CSMD1: variants seen among roughly 807,000 people sequenced by gnomAD.
The protein encoded by CSMD1 is CUB and sushi domain-containing protein 1.
Under a neutral mutation model 417.5 loss-of-function variants are expected in CSMD1, and 213 were observed. That is an observed-to-expected ratio of 0.51 (90% confidence interval 0.46 to 0.57). The LOEUF (loss-of-function observed/expected upper bound fraction) is 0.57. Ranked by LOEUF, CSMD1 falls within the 20% of genes least tolerant of loss-of-function variation. The pLI, the probability that CSMD1 is intolerant of heterozygous loss-of-function variation, is 0.00. For missense variants in CSMD1, 6,923 were observed against 4,529.7 expected (o/e 1.53, Z -15.17); for synonymous variants, 2,862 against 1,736.8 (o/e 1.65, Z -16.11).
At chr8:3,936,641 T>A (rs1274879402) in intron 5 of CSMD1, among the ~76,000 whole-genome samples, 1 of 152,130 alleles carries the variant, frequency 6.6e-6, no homozygotes, top group East Asian at 1.9e-4. Flanking sequence ...AGAAAAAGAT[T>A]CCTTTCTAAA....
intron 1 of CSMD1, among the ~76,000 whole-genome samples, chr8:4,914,366 G>A (rs1271765880): frequency 6.6e-6 from 1 of 152,078 alleles, no homozygotes; most frequent in Non-Finnish European, 1.5e-5. Context: ...CACGAGGTCA[G>A]GAGATCGAGA....
chr8:4,012,650 A>G (rs1349806501), intron 4 of CSMD1, among the ~76,000 whole-genome samples: 4 of 152,136 alleles, frequency 2.6e-5, no homozygotes, highest in African/African-American at 4.8e-5. Flanking sequence ...CATCAGTTCC[A>G]TGAATGTCTC....
intron 3 of CSMD1, among the ~76,000 whole-genome samples, chr8:4,089,499 C>G (rs1800602321): frequency 6.6e-6 from 1 of 152,146 alleles, no homozygotes; most frequent in Non-Finnish European, 1.5e-5. Flanking sequence ...AAAAAAGTGA[C>G]ACATTCCATA....
rs758127644 is a variant in CSMD1 at position 3,214,575 on chromosome 8, G to C, written c.4789C>G (p.Leu1597Val). 1.9e-6 allele frequency: 3 copies of C among 1,583,298 alleles called. No homozygotes were observed. In the South Asian group the frequency reaches 3.5e-5, roughly 18 times the overall value. ...TYQCDSGYKI[L>V]DPSSITCVIG... ...ACACAGGTGATGGATGAGGGGTCAA[G>C]AATCTTATAGCCAGAGTCACACTGG... The change falls in exon 30 of 70, where the codon CTT becomes GTT. Residue 1597 changes from leucine to valine, a missense_variant. By Grantham distance (32) the Leu-to-Val change is conservative. Coordinates refer to ENST00000635120, the MANE Select transcript of CSMD1 (RefSeq NM_033225.6).
intron 3 of CSMD1, among the ~76,000 whole-genome samples, chr8:4,212,023 C>T (rs1028442908): frequency 7.2e-5 from 11 of 151,960 alleles, no homozygotes; most frequent in African/African-American, 2.2e-4. Flanking sequence ...ATTTGTGCAG[C>T]TGTAATGCAA....
rs186561052 is a variant in CSMD1 at position 4,355,511 on chromosome 8, G to T, written c.415+64442C>A. On this transcript the variant is annotated intron_variant, in intron 3 of 69. Coordinates refer to ENST00000635120, the MANE Select transcript of CSMD1 (RefSeq NM_033225.6). ...TAGAGTGAATGAAAGGGAACATTCA[G>T]TAGTTTAGTAAAGGAAGTTCTCCTT... Among the ~76,000 whole-genome samples the T allele has an allele frequency of 5.1e-3, 783 of 152,236 alleles. 3 individuals are homozygous for T. Among genetic ancestry groups the T allele is most frequent in the African/African-American group, 0.018 (733 of 41,550 alleles).
intron 1 of CSMD1, among the ~76,000 whole-genome samples, chr8:4,664,260 G>C (rs1421010568): frequency 2.6e-5 from 4 of 152,186 alleles, no homozygotes; most frequent in East Asian, 1.9e-4. Context: ...TGTGTGACTA[G>C]TAAGAAGAGA....
At chr8:3,144,626 T>A (rs888902595) in intron 40 of CSMD1, among the ~76,000 whole-genome samples, 4 of 152,070 alleles carry the variant, frequency 2.6e-5, no homozygotes, top group Admixed American at 1.3e-4. Context: ...GTGGAGCAAC[T>A]CTTTAAATTT....
At chr8:3,319,995 C>G (rs988733029) in intron 23 of CSMD1, among the ~76,000 whole-genome samples, 1 of 152,070 alleles carries the variant, frequency 6.6e-6, no homozygotes, top group African/African-American at 2.4e-5. Flanking sequence ...GCTTAGAAAC[C>G]AAGTGAATAG....
chr8:3,209,337 G>C (rs1034756455), intron 30 of CSMD1, among the ~76,000 whole-genome samples: 1 of 151,876 alleles, frequency 6.6e-6, no homozygotes, highest in African/African-American at 2.4e-5. Context: ...TTATTTTTGA[G>C]ACAGAGTCTT....
intron 1 of CSMD1, among the ~76,000 whole-genome samples, chr8:4,805,383 C>T (rs1170356975): frequency 6.6e-6 from 1 of 152,134 alleles, no homozygotes; most frequent in East Asian, 1.9e-4. Flanking sequence ...TCATGGTGAT[C>T]TAATGTGATA....
chr8:3,972,173 C>A (rs560801561), intron 5 of CSMD1, among the ~76,000 whole-genome samples: 2 of 151,926 alleles, frequency 1.3e-5, no homozygotes, highest in Non-Finnish European at 2.9e-5. Flanking sequence ...CCTGGCCCTT[C>A]TAAGACCATA....
At position 4,084,590 on chromosome 8, in the gene CSMD1, G is replaced by C. The variant is rs76290999; in HGVS notation, c.416-52491C>G. Among the ~76,000 whole-genome samples the C allele has an allele frequency of 1.6e-4, 24 of 152,246 alleles. 1 individual carries two copies. The East Asian group carries it at 4.6e-3, about 29-fold the overall frequency. On this transcript the variant is annotated intron_variant, in intron 3 of 69. Transcript: ENST00000635120. Reference sequence around the variant, plus strand: ...ACTCGATTCCTTAATCAACCTTGTTGGGAGAGAGAAAATGAAAGCGAGCCT... The same window carrying C: ...ACTCGATTCCTTAATCAACCTTGTTCGGAGAGAGAAAATGAAAGCGAGCCT...
At chr8:4,874,602 G>A (rs1460712383) in intron 1 of CSMD1, among the ~76,000 whole-genome samples, 1 of 151,650 alleles carries the variant, frequency 6.6e-6, no homozygotes, top group Non-Finnish European at 1.5e-5. Context: ...TGTTGGCCAG[G>A]CTGGTCTCGA....
chr8:3,372,300 A>AACAGAGGGAC (rs774690014), intron 18 of CSMD1, among the ~76,000 whole-genome samples: 5 of 152,166 alleles, frequency 3.3e-5, no homozygotes, highest in Non-Finnish European at 7.3e-5. Flanking sequence ...CAGGGAACAG[A>AACAGAGGGAC]AAGGACACCT....
At position 4,898,084 on chromosome 8, in the gene CSMD1, T is replaced by A. The variant is rs138825698; in HGVS notation, c.85+96248A>T. Among the ~76,000 whole-genome samples, 46 of 152,220 alleles carry A rather than the reference T, an allele frequency of 3.0e-4. 1 individual carries two copies. The East Asian group carries it at 8.5e-3, about 28-fold the overall frequency. On this transcript the variant is annotated intron_variant, in intron 1 of 69. Coordinates refer to ENST00000635120, the MANE Select transcript of CSMD1 (RefSeq NM_033225.6). ...TTAGTTGGAAATATTTAGAAATGGA[T>A]TATTGGTTAAATGAAGCAAACGAAT...
chr8:4,118,100 T>C lies in CSMD1; in HGVS notation c.416-86001A>G, dbSNP rs1271408073. 3.9e-5 allele frequency among the ~76,000 whole-genome samples: 6 copies of C among 152,166 alleles called. No homozygotes were observed. The East Asian group carries it at 1.2e-3, about 29-fold the overall frequency. On this transcript the variant is annotated intron_variant, in intron 3 of 69. Coordinates refer to ENST00000635120, the MANE Select transcript of CSMD1 (RefSeq NM_033225.6). ...ATGATTAGACAAATTATAAGGCTTG[T>C]GTGTTTGCAGGTGTACAGAATAGTG...
At position 4,905,778 on chromosome 8, in the gene CSMD1, C is replaced by CAT. The variant is rs1805218954; in HGVS notation, c.85+88553_85+88554insAT. On this transcript the variant is annotated intron_variant, in intron 1 of 69. Transcript: ENST00000635120. ...GAGCTTGCAGTGAGCCGAGATTGTG[C>CAT]CACTGCACTCCAGCCTGGGCCACAG... 1.4e-5 allele frequency among the ~76,000 whole-genome samples: 2 copies of CAT among 147,960 alleles called. 1 individual carries two copies. Among genetic ancestry groups the CAT allele is most frequent in the South Asian group, 4.3e-4 (2 of 4,674 alleles).
chr8:4,607,120 A>AT lies in CSMD1; in HGVS notation c.302+30221_302+30222insA, dbSNP rs538322893. 4.3e-3 allele frequency among the ~76,000 whole-genome samples: 662 copies of AT among 152,216 alleles called. 7 individuals are homozygous for AT. The Middle Eastern group carries it at 0.061, about 14-fold the overall frequency. ...AAGTAATATTTATTGTGTTTGGAGC[A>AT]CTTTTTTTTACCTGGGAAAGACAGT... On this transcript the variant is annotated intron_variant, in intron 2 of 69. Coordinates refer to ENST00000635120, the MANE Select transcript of CSMD1 (RefSeq NM_033225.6).
Sources: gnomAD v4.1 joint callset for allele counts (sites outside exome capture counted in the v4.1 genomes callset) on GRCh38, gnomAD v4.1.1 for gene constraint, MANE v1.5 for transcripts, NCBI Gene and HGNC (gene_info 2026-07-23, HGNC 2026-07-21) for gene names.